Variants in FN3KRP observed in about 807,000 individuals in gnomAD.
The protein encoded by FN3KRP is ketosamine-3-kinase.
FN3KRP carries 33 observed loss-of-function variants against 29.8 expected under a neutral mutation model. The observed-to-expected ratio is 1.11, with a 90% CI of 0.84 to 1.48. FN3KRP has a LOEUF of 1.48. Ranked by LOEUF, FN3KRP falls within the 40% of genes most tolerant of loss-of-function variation. The pLI is 0.00. For missense variants in FN3KRP, 430 were observed against 402.6 expected, an observed-to-expected ratio of 1.07 and a Z score of -0.58; for synonymous variants, 157 against 155.2, an observed-to-expected ratio of 1.01 and a Z score of -0.09.
rs772489192 is a variant in FN3KRP at position 82,726,630 on chromosome 17, C to T, written c.591+28C>T. ...GAGTGGGGCCCCACTGCATGCCCAG[C>T]ACCTGCCACACACCCCACTTGCCTG... On this transcript the variant is annotated intron_variant, in intron 5 of 5. Coordinates refer to ENST00000269373, the MANE Select transcript of FN3KRP (RefSeq NM_024619.4). 3 of 1,594,988 alleles carry T rather than the reference C, an allele frequency of 1.9e-6. No individual in the cohort carries two copies. The African/African-American group carries it at 4.0e-5, about 21-fold the overall frequency.
At chr17:82,719,218 C>G (rs915984112) in intron 2 of FN3KRP, among the ~76,000 whole-genome samples, 161 bp downstream of exon 2, 5 of 152,162 alleles carry the variant, frequency 3.3e-5, no homozygotes, top group Non-Finnish European at 5.9e-5. Context: ...TGCCCCGCCC[C>G]GGCTGGCTTT....
At chr17:82,723,018 G>A (rs2046809506) in intron 4 of FN3KRP, 132 bp downstream of exon 4, 1 of 789,904 alleles carries the variant, frequency 1.3e-6, no homozygotes, top group African/African-American at 1.7e-5. Flanking sequence ...CTTTGCTGAT[G>A]TTTGAGAGGT....
intron 1 of FN3KRP, among the ~76,000 whole-genome samples, chr17:82,718,259 G>C (rs1006827109): frequency 1.3e-5 from 2 of 151,452 alleles, no homozygotes; most frequent in East Asian, 3.9e-4. Flanking sequence ...GGTGTGTGTA[G>C]CAGGAGGAAA....
Position 82,725,419 on chromosome 17 carries a change from A to C in FN3KRP, c.469-1061A>C, listed in dbSNP as rs1325327257. Among the ~76,000 whole-genome samples, 3 of 152,220 alleles carry C rather than the reference A, an allele frequency of 2.0e-5. No homozygotes were observed. The East Asian group carries it at 5.8e-4, about 29-fold the overall frequency. Reference sequence around the variant, plus strand: ...AATGCTGGGATTACAGATATTGCTCACCACTCCCAGCCCCCTTTCAAATTT... The same window carrying C: ...AATGCTGGGATTACAGATATTGCTCCCCACTCCCAGCCCCCTTTCAAATTT... On this transcript the variant is annotated intron_variant, in intron 4 of 5. Coordinates refer to ENST00000269373, the MANE Select transcript of FN3KRP (RefSeq NM_024619.4).
In FN3KRP at chr17:82,727,342, C is replaced by T. The variant is rs1364705045; in HGVS notation, c.*171C>T. The stretch of plus-strand genomic sequence containing the variant: ...AAAGGTTTTGTCATCCCAGCGTTGT[C>T]CACTTTGTGGGGCTTTGTAGGTAGA... On this transcript the variant is annotated 3_prime_UTR_variant, in exon 6 of 6. Coordinates refer to ENST00000269373, the MANE Select transcript of FN3KRP (RefSeq NM_024619.4). 4.7e-6 allele frequency: 3 copies of T among 634,078 alleles called. No homozygotes were observed. The highest frequency in any genetic ancestry group is 1.8e-5 in the African/African-American group (1 of 54,514). 39.3% of individuals were successfully genotyped at this position (634,078 alleles called of 1,614,324 possible). A position where few individuals can be genotyped will look rare whatever the true frequency, so the allele number is the denominator to read the frequency against.
intron 4 of FN3KRP, 30 bp from the exon 5 acceptor site, chr17:82,726,450 G>T: frequency 6.2e-7 from 1 of 1,605,418 alleles, no homozygotes; most frequent in East Asian, 2.2e-5. Flanking sequence ...GCATTTTCCA[G>T]TGAACTGTGC....
intron 4 of FN3KRP, 121 bp from the exon 5 acceptor site, chr17:82,726,359 T>C: frequency 7.8e-7 from 1 of 1,273,896 alleles, no homozygotes; most frequent in African/African-American, 1.5e-5. Context: ...CTCCTGTGAC[T>C]GCCACCCCTC....
intron 2 of FN3KRP, 60 bp from the exon 3 acceptor site, chr17:82,720,212 C>T (rs1349223387): frequency 7.4e-7 from 1 of 1,342,394 alleles, no homozygotes; most frequent in Non-Finnish European, 1.1e-6. Flanking sequence ...TGAGACTGAG[C>T]AGTGGGTGTG....
Position 82,722,996 on chromosome 17 carries a change from G to A in FN3KRP, c.468+110G>A, listed in dbSNP as rs111640979. On this transcript the variant is annotated intron_variant, in intron 4 of 5. Coordinates refer to ENST00000269373, the MANE Select transcript of FN3KRP (RefSeq NM_024619.4). ...TTTGTGAGCTTCAGTAAAAGTATTTGCACCATTTTTTCTTTGCTGATGTTT... is the reference window on the plus strand; with the variant it reads ...TTTGTGAGCTTCAGTAAAAGTATTTACACCATTTTTTCTTTGCTGATGTTT... 3.7e-5 allele frequency: 36 copies of A among 977,042 alleles called. No individual in the cohort carries two copies. In the African/African-American group the frequency reaches 5.2e-4, roughly 14 times the overall value. 60.5% of individuals were successfully genotyped at this position (977,042 alleles called of 1,614,324 possible).
intron 4 of FN3KRP, among the ~76,000 whole-genome samples, chr17:82,726,071 T>C (rs554176050): frequency 6.6e-6 from 1 of 152,134 alleles, no homozygotes; most frequent in African/African-American, 2.4e-5. Context: ...TCCCAGCTAC[T>C]TGGGAGGCTG....
At chr17:82,717,229 G>C (rs2280251) in intron 1 of FN3KRP, among the ~76,000 whole-genome samples, 56,029 of 152,056 alleles carry the variant, frequency 0.37, 10,746 homozygotes, top group South Asian at 0.6. Flanking sequence ...TCTTGCTCCC[G>C]GGGTTCCTGC....
At chr17:82,722,403 T>C (rs1838129736) in intron 3 of FN3KRP, among the ~76,000 whole-genome samples, 1 of 152,182 alleles carries the variant, frequency 6.6e-6, no homozygotes, top group African/African-American at 2.4e-5. Context: ...CCAAAGTGCC[T>C]TTCCTCTTTA....
rs2046757096 is a variant in FN3KRP at position 82,716,781 on chromosome 17, T to A, written c.26T>A (p.Leu9Gln). The change falls in exon 1 of 6, where the codon CTG (leucine) becomes CAG (glutamine). Residue 9 changes from leucine (L) to glutamine (Q), a missense_variant. By Grantham distance (113) the Leu-to-Gln change is moderately radical (BLOSUM62 -2). Coordinates refer to ENST00000269373, the MANE Select transcript of FN3KRP (RefSeq NM_024619.4). Reference protein sequence around the residue: MEELLRRELGCSSVRATGH... With the variant: MEELLRREQGCSSVRATGH... ...ATGGAGGAGCTCCTGAGGCGCGAGC[T>A]GGGCTGCAGCTCTGTCAGGGCCACG... 2.6e-6 allele frequency: 4 copies of A among 1,533,978 alleles called. 1 individual carries two copies. In the South Asian group the frequency reaches 4.9e-5, roughly 19 times the overall value.
At chr17:82,722,707 G>A (rs2046806538) in intron 3 of FN3KRP, 97 bp from the exon 4 acceptor site, 1 of 1,163,372 alleles carries the variant, frequency 8.6e-7, no homozygotes, top group South Asian at 1.4e-5. Flanking sequence ...AAGCTGGTAG[G>A]AGCTCGCTGA....
At chr17:82,717,907 ATGTT>A (rs1215606053) in intron 1 of FN3KRP, among the ~76,000 whole-genome samples, 15 of 151,376 alleles carry the variant, frequency 9.9e-5, no homozygotes, top group African/African-American at 3.6e-4. Context: ...TATGTTTGTA[ATGTT>A]TGTATGTTGT....
intron 3 of FN3KRP, 103 bp from the exon 4 acceptor site, chr17:82,722,701 T>A: frequency 9.2e-7 from 1 of 1,081,312 alleles, no homozygotes; most frequent in Non-Finnish European, 1.4e-6. Context: ...GGGCATAAGC[T>A]GGTAGGAGCT....
chr17:82,721,527 G>C lies in FN3KRP; in HGVS notation c.385+1164G>C, dbSNP rs190922823. 7.9e-5 allele frequency among the ~76,000 whole-genome samples: 12 copies of C among 151,788 alleles called. No homozygotes were observed. The East Asian group carries it at 2.3e-3, about 30-fold the overall frequency. ...ATTTTTATTTTATTTTTTTGAGAAG[G>C]AGTCTTGCTTTGTTCCCCAGGCTGG... On this transcript the variant is annotated intron_variant, in intron 3 of 5. Coordinates refer to ENST00000269373, the MANE Select transcript of FN3KRP (RefSeq NM_024619.4).
At chr17:82,717,064 G>A (rs1429897324) in intron 1 of FN3KRP, among the ~76,000 whole-genome samples, 168 bp downstream of exon 1, 1 of 152,180 alleles carries the variant, frequency 6.6e-6, no homozygotes, top group Non-Finnish European at 1.5e-5. Flanking sequence ...GGCGAGCGGT[G>A]AACGGGGGCG....
At chr17:82,717,152 C>T (rs1432103224) in intron 1 of FN3KRP, among the ~76,000 whole-genome samples, 7 of 152,148 alleles carry the variant, frequency 4.6e-5, no homozygotes, top group South Asian at 2.1e-4. Context: ...CCGCCCCACA[C>T]CTCCTGTTCT....
Sources: gnomAD v4.1 joint callset for allele counts (sites outside exome capture counted in the v4.1 genomes callset) on GRCh38, gnomAD v4.1.1 for gene constraint, MANE v1.5 for transcripts, NCBI Gene and HGNC (gene_info 2026-07-23, HGNC 2026-07-21) for gene names.